The following JHY variants were observed in gnomAD, a reference collection of about 807,000 sequenced individuals.
JHY encodes jhy protein homolog.
JHY carries 69 observed loss-of-function variants against 78.0 expected under a neutral mutation model. The ratio of observed to expected loss-of-function variants is 0.88; its 90% CI spans 0.73 to 1.08. The LOEUF (loss-of-function observed/expected upper bound fraction) is 1.08, where lower values mean the gene tolerates loss of function less well. Among genes scored for constraint, JHY ranks in the 50% least tolerant of loss-of-function variants. The pLI is 0.00. For missense variants in JHY, 944 were observed against 927.8 expected (o/e 1.02, Z -0.23); for synonymous variants, 368 against 342.6 (o/e 1.07, Z -0.82).
At chr11:122,918,874 T>G (rs1863291574) in intron 3 of JHY, among the ~76,000 whole-genome samples, 1 of 146,550 alleles carries the variant, frequency 6.8e-6, no homozygotes, top group African/African-American at 2.8e-5. Flanking sequence ...TCCTGGAATT[T>G]ACAGTCCAGA....
intron 2 of JHY, among the ~76,000 whole-genome samples, chr11:122,886,449 G>A (rs1862498670): frequency 6.6e-6 from 1 of 152,122 alleles, no homozygotes; most frequent in Non-Finnish European, 1.5e-5. Flanking sequence ...CATATTCCAA[G>A]TGTCTCCGCA....
Position 122,961,004 on chromosome 11 carries a change from A to C in JHY, c.*1559A>C. On this transcript the variant is annotated 3_prime_UTR_variant, in exon 9 of 9. Transcript: ENST00000227349. ...TAAATTGGGTGCAGAGCATCTCTGC[A>C]CAACAGGAAAAGGAGACAATTGCCA... is the stretch of plus-strand genomic sequence containing the variant. The C allele has an allele frequency of 8.3e-6, 8 of 966,888 alleles. No homozygotes were observed. The highest frequency in any genetic ancestry group is 1.2e-5 in the Non-Finnish European group (7 of 603,074). 59.9% of individuals were successfully genotyped at this position (966,888 alleles called of 1,614,324 possible).
intron 8 of JHY, among the ~76,000 whole-genome samples, chr11:122,958,202 C>T (rs996310602): frequency 6.6e-6 from 1 of 152,178 alleles, no homozygotes; most frequent in African/African-American, 2.4e-5. Flanking sequence ...AATATGTACA[C>T]AGAGCTTTGC....
rs1862432601 is a variant in JHY, at chr11:122,883,575, G to A, written c.-90+603G>A. Among the ~76,000 whole-genome samples, 1 of 151,944 alleles carries A rather than the reference G, an allele frequency of 6.6e-6. No individual in the cohort carries two copies. The highest frequency in any genetic ancestry group is 1.5e-5 in the Non-Finnish European group (1 of 67,986). Reference sequence around the variant, plus strand: ...TCACCTCTCTTGGTCAGAAATTTCAGCGGCACAACCTTTTTTTTTTTTCAC... The same window carrying A: ...TCACCTCTCTTGGTCAGAAATTTCAACGGCACAACCTTTTTTTTTTTTCAC... On this transcript the variant is annotated intron_variant, in intron 1 of 8. Transcript: ENST00000227349. This position sits in a 1 kb window ranked among gnomAD's most constrained non-coding sequence, Gnocchi z 4.4.
At chr11:122,918,128 T>A (rs1863272157) in intron 3 of JHY, among the ~76,000 whole-genome samples, 1 of 151,508 alleles carries the variant, frequency 6.6e-6, no homozygotes. Flanking sequence ...CTCGAACTCC[T>A]GGTTTCAAGT....
At chr11:122,925,137 A>G in intron 4 of JHY, 127 bp downstream of exon 4, 1 of 744,530 alleles carries the variant, frequency 1.3e-6, no homozygotes. Context: ...CCACTTTCCT[A>G]TGGGTAAGAC....
Position 122,935,675 on chromosome 11 carries a change from T to C in JHY, c.1634+600T>C, listed in dbSNP as rs1043624437. The stretch of plus-strand genomic sequence containing the variant: ...CAGTGTGTTTGGGGGTTGCAAGTAA[T>C]GTTTGGAGGAAACAAATGATCTTCA... On this transcript the variant is annotated intron_variant, in intron 5 of 8. Coordinates refer to ENST00000227349, the MANE Select transcript of JHY (RefSeq NM_024806.4). The surrounding 1 kb of genome is among the most constrained non-coding windows in gnomAD (Gnocchi z 4.5). Among the ~76,000 whole-genome samples the C allele has an allele frequency of 2.6e-5, 4 of 152,196 alleles. No individual in the cohort carries two copies. Among genetic ancestry groups the C allele is most frequent in the Non-Finnish European group, 5.9e-5 (4 of 68,040 alleles).
chr11:122,953,159 C>A (rs908416595), intron 6 of JHY, among the ~76,000 whole-genome samples: 1 of 152,056 alleles, frequency 6.6e-6, no homozygotes, highest in Non-Finnish European at 1.5e-5. Context: ...ACAATGCTTA[C>A]CCTAGGACAT....
chr11:122,892,608 C>G (rs1483315583), intron 2 of JHY, among the ~76,000 whole-genome samples: 1 of 152,110 alleles, frequency 6.6e-6, no homozygotes, highest in Non-Finnish European at 1.5e-5. Context: ...AGGCATGAGC[C>G]ACCGCGCCTG....
intron 5 of JHY, among the ~76,000 whole-genome samples, chr11:122,940,790 G>A (rs966444697): frequency 6.6e-5 from 10 of 152,026 alleles, no homozygotes; most frequent in South Asian, 2.1e-4. Flanking sequence ...TTACATGGCT[G>A]TTGAAATAAG....
chr11:122,909,383 C>T (rs1863065182), intron 3 of JHY, among the ~76,000 whole-genome samples: 1 of 152,192 alleles, frequency 6.6e-6, no homozygotes. Flanking sequence ...TTGGTTGGCA[C>T]TGCCACCTGC....
chr11:122,960,688 C>G lies in JHY; in HGVS notation c.*1243C>G. The G allele has an allele frequency of 2.5e-6, 1 of 397,704 alleles. No homozygotes were observed. Among genetic ancestry groups the G allele is most frequent in the Admixed American group, 3.5e-5 (1 of 28,898 alleles). The allele number at this position is 397,704 out of a possible 1,614,324, so 24.6% of individuals were successfully genotyped here. On this transcript the variant is annotated 3_prime_UTR_variant, in exon 9 of 9. Coordinates refer to ENST00000227349, the MANE Select transcript of JHY (RefSeq NM_024806.4). ...TATGTAATTTAAAAATATGGTGCCT[C>G]TATTGGAGAATCTGCTTATCAACTC... is the stretch of plus-strand genomic sequence containing the variant.
intron 3 of JHY, among the ~76,000 whole-genome samples, chr11:122,924,353 C>A (rs1591384646): frequency 6.6e-6 from 1 of 152,120 alleles, no homozygotes; most frequent in African/African-American, 2.4e-5. Context: ...TGATCCTGGG[C>A]AAATTACTTA....
chr11:122,896,260 T>C (rs1435038639), intron 2 of JHY, among the ~76,000 whole-genome samples: 1 of 150,384 alleles, frequency 6.6e-6, no homozygotes, highest in Non-Finnish European at 1.5e-5. Context: ...GAAATTTGGC[T>C]TGAACCCAGG....
chr11:122,955,226 T>C (rs1040829899), intron 6 of JHY, among the ~76,000 whole-genome samples: 3 of 152,168 alleles, frequency 2.0e-5, no homozygotes, highest in African/African-American at 7.2e-5. Flanking sequence ...GTTCAAGCGA[T>C]TCTCCTGCCT....
chr11:122,931,536 T>C (rs144912602), intron 4 of JHY, among the ~76,000 whole-genome samples: 109 of 152,326 alleles, frequency 7.2e-4, no homozygotes, highest in African/African-American at 2.5e-3. Flanking sequence ...TGAGATTCTC[T>C]TAATATTATC....
intron 3 of JHY, among the ~76,000 whole-genome samples, chr11:122,906,389 T>C (rs1862993974): frequency 6.6e-6 from 1 of 151,828 alleles, no homozygotes; most frequent in African/African-American, 2.4e-5. Flanking sequence ...GAGATGGGGG[T>C]CTCATCATGT....
At chr11:122,952,763 T>C (rs1864115475) in intron 6 of JHY, among the ~76,000 whole-genome samples, 1 of 152,240 alleles carries the variant, frequency 6.6e-6, no homozygotes, top group Non-Finnish European at 1.5e-5. Flanking sequence ...CACTGATCAT[T>C]TCTTTCTCAT....
At chr11:122,907,046 G>T (rs1863008324) in intron 3 of JHY, among the ~76,000 whole-genome samples, 1 of 151,912 alleles carries the variant, frequency 6.6e-6, no homozygotes, top group Non-Finnish European at 1.5e-5. Context: ...TGCTATGCAG[G>T]ATTCGATCAT....
Sources: gnomAD v4.1 joint callset for allele counts (sites outside exome capture counted in the v4.1 genomes callset) on GRCh38, gnomAD v4.1.1 for gene constraint, Gnocchi (gnomAD v3.1) non-coding constraint, MANE v1.5 for transcripts, NCBI Gene and HGNC (gene_info 2026-07-23, HGNC 2026-07-21) for gene names.